Variants in UBE2J1 observed in about 807,000 individuals in gnomAD.
The protein encoded by UBE2J1 is ubiquitin conjugating enzyme E2 J1, also known as ubiquitin-conjugating enzyme E2 J1.
Under a neutral mutation model 42.1 loss-of-function variants are expected in UBE2J1, and 17 were observed. The ratio of observed to expected loss-of-function variants is 0.40; its 90% CI spans 0.28 to 0.61. The LOEUF (loss-of-function observed/expected upper bound fraction) is 0.61, where lower values mean the gene tolerates loss of function less well. UBE2J1 is among the 20% of genes least tolerant of loss of function. UBE2J1 has a pLI of 0.38. For missense variants in UBE2J1, 291 were observed against 389.4 expected (o/e 0.75, Z 2.13); for synonymous variants, 127 against 137.2 (o/e 0.93, Z 0.52).
chr6:89,335,245 A>C (rs1768085620), intron 6 of UBE2J1, 57 bp downstream of exon 6: 1 of 1,474,028 alleles, frequency 6.8e-7, no homozygotes, highest in Admixed American at 2.2e-5. Context: ...TCTATGCAGA[A>C]TCCAGCAGTA....
chr6:89,338,856 G>T (rs188368340), intron 3 of UBE2J1, among the ~76,000 whole-genome samples: 1 of 151,534 alleles, frequency 6.6e-6, no homozygotes, highest in Non-Finnish European at 1.5e-5. Flanking sequence ...TAGTAGAGAC[G>T]GGGTTTCACC....
Position 89,329,599 on chromosome 6 carries a change from G to T in UBE2J1, c.*80C>A. On this transcript the variant is annotated 3_prime_UTR_variant, in exon 8 of 8. Transcript: ENST00000435041. Reference sequence around the variant, plus strand: ...AGGGTAAATACAAAATAATCTTTTTGTAAACAATTCTTAGATTATACCCAA... The same window carrying T: ...AGGGTAAATACAAAATAATCTTTTTTTAAACAATTCTTAGATTATACCCAA... The T allele has an allele frequency of 2.1e-6, 3 of 1,455,980 alleles. No individual in the cohort carries two copies. Among genetic ancestry groups the T allele is most frequent in the Non-Finnish European group, 1.9e-6 (2 of 1,059,048 alleles). 90.2% of individuals were successfully genotyped at this position (1,455,980 alleles called of 1,614,324 possible). A position where few individuals can be genotyped will look rare whatever the true frequency, so the allele number is the denominator to read the frequency against.
intron 6 of UBE2J1, among the ~76,000 whole-genome samples, chr6:89,334,104 A>G (rs1398651411): frequency 1.3e-5 from 2 of 152,110 alleles, no homozygotes; most frequent in Admixed American, 6.5e-5. Flanking sequence ...TCCAGGTTCA[A>G]GCGATTCTCC....
intron 7 of UBE2J1, among the ~76,000 whole-genome samples, chr6:89,332,153 C>T (rs1032250886): frequency 1.3e-5 from 2 of 152,150 alleles, no homozygotes; most frequent in East Asian, 3.8e-4. Context: ...ATTTGCCCAA[C>T]TTCTATTTCA....
intron 1 of UBE2J1, among the ~76,000 whole-genome samples, chr6:89,344,639 A>G (rs1359519421): frequency 6.6e-6 from 1 of 152,212 alleles, no homozygotes; most frequent in African/African-American, 2.4e-5. Flanking sequence ...ATGCCATTAC[A>G]AGTCATTACC....
intron 1 of UBE2J1, 107 bp downstream of exon 1, chr6:89,352,432 G>A (rs1479847920): frequency 2.3e-6 from 3 of 1,305,058 alleles, no homozygotes; most frequent in Non-Finnish European, 3.1e-6. Context: ...CGCGAAACCA[G>A]GAGCTGAGCC....
At chr6:89,350,289 A>G (rs1289196149) in intron 1 of UBE2J1, among the ~76,000 whole-genome samples, 1 of 152,226 alleles carries the variant, frequency 6.6e-6, no homozygotes, top group Non-Finnish European at 1.5e-5. Context: ...TCAGATAAAG[A>G]GTAAAAGATT....
intron 5 of UBE2J1, among the ~76,000 whole-genome samples, chr6:89,335,864 A>AG (rs774587809): frequency 1.3e-4 from 19 of 150,400 alleles, no homozygotes; most frequent in African/African-American, 4.2e-4. Context: ...AGATATTTCT[A>AG]GGGAAAAAAA....
At chr6:89,336,997 G>A (rs936864345) in intron 5 of UBE2J1, among the ~76,000 whole-genome samples, 88 of 151,870 alleles carry the variant, frequency 5.8e-4, no homozygotes, top group African/African-American at 2.0e-3. Flanking sequence ...GTGCCACCAC[G>A]CCCAGCTAAT....
rs141308043 is a variant in UBE2J1, at chr6:89,344,918, A to G, written c.32-1162T>C. ...CTCAAAATTCAATCCTTTGATATGC[A>G]CTCTGGATCCCAACCCCTCTCATTT... On this transcript the variant is annotated intron_variant, in intron 1 of 7. Coordinates refer to ENST00000435041, the MANE Select transcript of UBE2J1 (RefSeq NM_016021.3). 3.8e-3 allele frequency among the ~76,000 whole-genome samples: 574 copies of G among 152,300 alleles called. 1 individual carries two copies. Among genetic ancestry groups the G allele is most frequent in the African/African-American group, 0.013 (546 of 41,550 alleles).
Position 89,351,851 on chromosome 6 carries a change from TG to T in UBE2J1, c.31+687del, listed in dbSNP as rs1349749717. Among the ~76,000 whole-genome samples the T allele has an allele frequency of 2.0e-5, 3 of 152,324 alleles. No homozygotes were observed. In the East Asian group the frequency reaches 5.8e-4, roughly 29 times the overall value. ...GAAAGTAATTAGAGGCTAGGATTGC[TG>T]GGACTGCTTGTGTAAATATAAAGCA... On this transcript the variant is annotated intron_variant, in intron 1 of 7. Transcript: ENST00000435041.
chr6:89,343,982 CTA>C lies in UBE2J1; in HGVS notation c.32-228_32-227del, dbSNP rs71900125. Among the ~76,000 whole-genome samples the C allele has an allele frequency of 8.9e-3, 1,355 of 152,080 alleles. 23 individuals carry two copies. The highest frequency in any genetic ancestry group is 0.031 in the African/African-American group (1,286 of 41,460). On this transcript the variant is annotated intron_variant, in intron 1 of 7. Transcript: ENST00000435041. ...ATATATTAAATATATAGTGAAGACA[CTA>C]TTTTTATTTAATAAGTACTTATATA...
At position 89,329,924 on chromosome 6, in the gene UBE2J1, G is replaced by A. The variant is rs773572450; in HGVS notation, c.712C>T (p.His238Tyr). ...TTAGCTACAGGTTGGGTAGGTTGAT[G>A]AAAGGATGCTGCTGAGGAATTCTGG... ...GLQNSSAASFHQPTQPVAKNT... is the reference protein window; with the variant it reads ...GLQNSSAASFYQPTQPVAKNT... The change falls in exon 8 of 8, where the codon CAT (histidine) becomes TAT (tyrosine). Residue 238 changes from histidine (H) to tyrosine (Y), a missense_variant. By Grantham distance (83) the His-to-Tyr change is moderately conservative. Coordinates refer to ENST00000435041, the MANE Select transcript of UBE2J1 (RefSeq NM_016021.3). 1 of 1,614,074 alleles carries A rather than the reference G, an allele frequency of 6.2e-7. No homozygotes were observed. Among genetic ancestry groups the A allele is most frequent in the South Asian group, 1.1e-5 (1 of 91,080 alleles).
At chr6:89,348,007 C>T (rs1037679649) in intron 1 of UBE2J1, among the ~76,000 whole-genome samples, 1 of 152,164 alleles carries the variant, frequency 6.6e-6, no homozygotes. Context: ...TGATATGGCT[C>T]CCTGGCTCCT....
At chr6:89,330,432 T>G (rs1211218057) in intron 7 of UBE2J1, among the ~76,000 whole-genome samples, 1 of 152,162 alleles carries the variant, frequency 6.6e-6, no homozygotes, top group Non-Finnish European at 1.5e-5. Flanking sequence ...ATTATAGGCA[T>G]GAACCAACGT....
At chr6:89,344,638 C>A (rs953497899) in intron 1 of UBE2J1, among the ~76,000 whole-genome samples, 1 of 152,216 alleles carries the variant, frequency 6.6e-6, no homozygotes, top group Non-Finnish European at 1.5e-5. Context: ...AATGCCATTA[C>A]AAGTCATTAC....
chr6:89,336,996 C>A (rs567762018), intron 5 of UBE2J1, among the ~76,000 whole-genome samples: 1 of 152,006 alleles, frequency 6.6e-6, no homozygotes, highest in African/African-American at 2.4e-5. Context: ...CGTGCCACCA[C>A]GCCCAGCTAA....
chr6:89,338,566 A>G, intron 3 of UBE2J1, 23 bp from the exon 4 acceptor site: 1 of 1,444,944 alleles, frequency 6.9e-7, no homozygotes, highest in Non-Finnish European at 9.3e-7. Context: ...CAATGCATTT[A>G]GAAAATTAAA....
rs1768038894 is a variant in UBE2J1 at position 89,333,069 on chromosome 6, AAAGAT to A, written c.678+12_678+16del. The A allele has an allele frequency of 6.3e-7, 1 of 1,580,706 alleles. No individual in the cohort carries two copies. Among genetic ancestry groups the A allele is most frequent in the African/African-American group, 1.4e-5 (1 of 73,206 alleles). On this transcript the variant is annotated intron_variant, in intron 7 of 7. Transcript: ENST00000435041. ...ATGATAGAGACATACATATATATTA[AAAGAT>A]AAGAGCCATACCGATGTACTGGCCG...
Sources: gnomAD v4.1 joint callset for allele counts (sites outside exome capture counted in the v4.1 genomes callset) on GRCh38, gnomAD v4.1.1 for gene constraint, MANE v1.5 for transcripts, NCBI Gene and HGNC (gene_info 2026-07-23, HGNC 2026-07-21) for gene names.